The following IGSF21 variants were observed in gnomAD, a reference collection of about 807,000 sequenced individuals.
IGSF21 encodes immunoglobulin superfamily member 21.
In IGSF21, 28 loss-of-function variants were observed where a neutral mutation model predicts 46.8. The observed-to-expected ratio is 0.60, with a 90% CI of 0.44 to 0.82. IGSF21 has a LOEUF of 0.82. Among genes scored for constraint, IGSF21 ranks in the 40% least tolerant of loss-of-function variants. The pLI, the probability that IGSF21 is intolerant of heterozygous loss-of-function variation, is 0.00. For missense variants in IGSF21, 624 were observed against 665.5 expected, an observed-to-expected ratio of 0.94 and a Z score of 0.69; for synonymous variants, 284 against 273.6, an observed-to-expected ratio of 1.04 and a Z score of -0.38.
intron 1 of IGSF21, among the ~76,000 whole-genome samples, chr1:18,222,752 G>A (rs2084522866): frequency 6.6e-6 from 1 of 152,180 alleles, no homozygotes; most frequent in South Asian, 2.1e-4. Flanking sequence ...AAGAATCCGT[G>A]CAGGGTATGT....
chr1:18,179,995 C>G (rs2086840698), intron 1 of IGSF21, among the ~76,000 whole-genome samples: 1 of 152,198 alleles, frequency 6.6e-6, no homozygotes, highest in Non-Finnish European at 1.5e-5. Flanking sequence ...CATCCTCTTT[C>G]CTGGTATTTG....
chr1:18,128,115 A>G (rs1283399481), intron 1 of IGSF21, among the ~76,000 whole-genome samples: 1 of 152,208 alleles, frequency 6.6e-6, no homozygotes, highest in Non-Finnish European at 1.5e-5. Context: ...CGTTTATCCA[A>G]TATTTATTGG....
chr1:18,215,866 T>G (rs2084439291), intron 1 of IGSF21, among the ~76,000 whole-genome samples: 1 of 152,158 alleles, frequency 6.6e-6, no homozygotes, highest in Non-Finnish European at 1.5e-5. Flanking sequence ...GTTCCAGGGC[T>G]CCATGGCTCA....
chr1:18,159,778 G>C (rs4920445), intron 1 of IGSF21, among the ~76,000 whole-genome samples: 15,997 of 150,942 alleles, frequency 0.11, 1,094 homozygotes, highest in Non-Finnish European at 0.15. Flanking sequence ...CACCTCCCAG[G>C]TTCAAGCCAT....
intron 6 of IGSF21, among the ~76,000 whole-genome samples, chr1:18,366,668 G>T (rs1045700469): frequency 6.6e-6 from 1 of 152,128 alleles, no homozygotes; most frequent in African/African-American, 2.4e-5. Flanking sequence ...ATATCACTCC[G>T]GCTTACACTT....
intron 3 of IGSF21, among the ~76,000 whole-genome samples, chr1:18,310,330 C>T (rs1450658418): frequency 1.3e-5 from 2 of 152,150 alleles, no homozygotes; most frequent in African/African-American, 2.4e-5. Flanking sequence ...AGGTGCTATT[C>T]TGACTTTTGT....
intron 1 of IGSF21, among the ~76,000 whole-genome samples, chr1:18,183,562 C>G: frequency 6.6e-6 from 1 of 152,236 alleles, no homozygotes; most frequent in East Asian, 1.9e-4. Context: ...CATTTGACAT[C>G]ATGAGATACG....
chr1:18,180,415 T>C lies in IGSF21; in HGVS notation c.71-47483T>C, dbSNP rs187286807. Among the ~76,000 whole-genome samples, 579 of 152,332 alleles carry C rather than the reference T, an allele frequency of 3.8e-3. 1 individual carries two copies. Among genetic ancestry groups the C allele is most frequent in the Admixed American group, 8.6e-3 (131 of 15,306 alleles). On this transcript the variant is annotated intron_variant, in intron 1 of 9. Transcript: ENST00000251296. ...GCCCTCAGCCTTCAGTGAGGAGGTA[T>C]TGGCCTTCTTCCACCATTGCAGAGA...
At position 18,276,532 on chromosome 1, in the gene IGSF21, T is replaced by C. The variant is rs543059877; in HGVS notation, c.184-15334T>C. Among the ~76,000 whole-genome samples, 34 of 152,244 alleles carry C rather than the reference T, an allele frequency of 2.2e-4. No individual in the cohort carries two copies. The South Asian group carries it at 5.4e-3, about 24-fold the overall frequency. On this transcript the variant is annotated intron_variant, in intron 2 of 9. Transcript: ENST00000251296. Reference sequence around the variant, plus strand: ...GGTCAAAGCAGTCTCCAAACATGTCTAGTTTCAAAGGGAGAGATCGTAGAC... The same window carrying C: ...GGTCAAAGCAGTCTCCAAACATGTCCAGTTTCAAAGGGAGAGATCGTAGAC...
chr1:18,135,410 C>A (rs572150902), intron 1 of IGSF21, among the ~76,000 whole-genome samples: 5 of 145,892 alleles, frequency 3.4e-5, no homozygotes, highest in East Asian at 2.2e-4. Context: ...ATCCCTCCCC[C>A]CTCCCCCAAC....
At chr1:18,254,248 TGTGAA>T (rs1245433171) in intron 2 of IGSF21, among the ~76,000 whole-genome samples, 1 of 147,264 alleles carries the variant, frequency 6.8e-6, no homozygotes, top group Non-Finnish European at 1.5e-5. Context: ...CTCAGGCAGA[TGTGAA>T]GTGGAGAGAG....
chr1:18,220,321 T>C (rs146396902), intron 1 of IGSF21, among the ~76,000 whole-genome samples: 18 of 152,182 alleles, frequency 1.2e-4, no homozygotes, highest in Middle Eastern at 3.4e-3. Flanking sequence ...GGCTGTTGGA[T>C]ACTCCAAGCT....
intron 1 of IGSF21, among the ~76,000 whole-genome samples, chr1:18,194,260 G>A (rs1253788963): frequency 6.6e-6 from 1 of 152,212 alleles, no homozygotes; most frequent in Non-Finnish European, 1.5e-5. Flanking sequence ...GAGCGAACAT[G>A]TTTCATGCAG....
intron 4 of IGSF21, among the ~76,000 whole-genome samples, chr1:18,355,391 A>T (rs1329072636): frequency 6.6e-6 from 1 of 152,244 alleles, no homozygotes; most frequent in Non-Finnish European, 1.5e-5. Context: ...AGTTAATTTC[A>T]TAAAACCGAT....
At chr1:18,111,287 C>T (rs1267767046) in intron 1 of IGSF21, 1 of 152,250 alleles carries the variant, frequency 6.6e-6, no homozygotes, top group East Asian at 1.9e-4. Context: ...CCATAAACTC[C>T]ACCCCTCTTC....
chr1:18,257,029 G>C (rs2084899594), intron 2 of IGSF21, among the ~76,000 whole-genome samples: 1 of 152,118 alleles, frequency 6.6e-6, no homozygotes, highest in East Asian at 1.9e-4. Context: ...GGTAATATTG[G>C]ATTAGCCCAC....
intron 1 of IGSF21, among the ~76,000 whole-genome samples, chr1:18,170,369 G>A (rs2086725021): frequency 6.6e-6 from 1 of 151,912 alleles, no homozygotes; most frequent in Admixed American, 6.6e-5. Context: ...CTCCCAAATG[G>A]CCAACTTTGA....
chr1:18,291,857 C>G lies in IGSF21; in HGVS notation c.184-9C>G, dbSNP rs558827929. 6.2e-6 allele frequency: 10 copies of G among 1,613,400 alleles called. No homozygotes were observed. The South Asian group carries it at 1.1e-4, about 18-fold the overall frequency. On this transcript the variant is annotated splice_polypyrimidine_tract_variant and intron_variant, in intron 2 of 9. Coordinates refer to ENST00000251296, the MANE Select transcript of IGSF21 (RefSeq NM_032880.5). ...ACTCACGTGTGGCTATCTCTGTGCT[C>G]TGTGGCAGGTGACGGATGGTGGCAC...
chr1:18,164,067 A>T (rs2086654744), intron 1 of IGSF21, among the ~76,000 whole-genome samples: 1 of 152,230 alleles, frequency 6.6e-6, no homozygotes, highest in Non-Finnish European at 1.5e-5. Context: ...ATGGAGGATA[A>T]TGATGATGAC....
Sources: gnomAD v4.1 joint callset for allele counts (sites outside exome capture counted in the v4.1 genomes callset) on GRCh38, gnomAD v4.1.1 for gene constraint, MANE v1.5 for transcripts, NCBI Gene and HGNC (gene_info 2026-07-23, HGNC 2026-07-21) for gene names.